CNTN5: variants seen among roughly 807,000 people sequenced by gnomAD.
The protein encoded by CNTN5 is contactin 5.
In CNTN5, 77 loss-of-function variants were observed where a neutral mutation model predicts 129.1. The ratio of observed to expected loss-of-function variants is 0.60; its 90% CI spans 0.50 to 0.72. The LOEUF is 0.72. Among genes scored for constraint, CNTN5 ranks in the 30% least tolerant of loss-of-function variants. The pLI is 0.00. For synonymous variants in CNTN5, 509 were observed against 465.6 expected, an observed-to-expected ratio of 1.09 and a Z score of -1.20; for missense variants, 1,478 against 1,328.8, an observed-to-expected ratio of 1.11 and a Z score of -1.75.
chr11:99,040,467 G>C (rs1281912364), intron 1 of CNTN5, among the ~76,000 whole-genome samples: 1 of 152,050 alleles, frequency 6.6e-6, no homozygotes, highest in African/African-American at 2.4e-5. Context: ...GAGAATATTT[G>C]TTGCACATTA....
intron 3 of CNTN5, among the ~76,000 whole-genome samples, chr11:99,708,000 T>C (rs978353870): frequency 1.4e-4 from 21 of 151,608 alleles, no homozygotes; most frequent in African/African-American, 5.1e-4. Context: ...GGTCTGCAGA[T>C]ATTATTAATA....
At chr11:100,150,722 A>G (rs1022704022) in intron 13 of CNTN5, among the ~76,000 whole-genome samples, 3 of 152,028 alleles carry the variant, frequency 2.0e-5, no homozygotes, top group African/African-American at 7.2e-5. Flanking sequence ...TTTCTAGCTG[A>G]ACTCGGCTAA....
At chr11:99,241,308 T>C (rs2135758042) in intron 1 of CNTN5, among the ~76,000 whole-genome samples, 1 of 144,450 alleles carries the variant, frequency 6.9e-6, no homozygotes. Context: ...ACTCCTTCAT[T>C]TGATTGTTGG....
At chr11:99,678,037 T>C (rs1239348505) in intron 3 of CNTN5, among the ~76,000 whole-genome samples, 1 of 152,136 alleles carries the variant, frequency 6.6e-6, no homozygotes, top group Non-Finnish European at 1.5e-5. Flanking sequence ...GCCCTTTGTC[T>C]TTATGATTTT....
At chr11:100,329,356 C>CA (rs1485267997) in intron 21 of CNTN5, among the ~76,000 whole-genome samples, 1 of 152,156 alleles carries the variant, frequency 6.6e-6, no homozygotes, top group East Asian at 1.9e-4. Context: ...CCCTGGTAGC[C>CA]AAAGACAAAG....
chr11:100,063,878 T>TA (rs1943589174), intron 10 of CNTN5, among the ~76,000 whole-genome samples: 1 of 151,956 alleles, frequency 6.6e-6, no homozygotes, highest in Admixed American at 6.6e-5. Context: ...GACCCTGTCT[T>TA]AAAAAATATT....
chr11:99,265,071 C>T (rs934196469), intron 1 of CNTN5, among the ~76,000 whole-genome samples: 2 of 151,668 alleles, frequency 1.3e-5, no homozygotes, highest in Non-Finnish European at 2.9e-5. Flanking sequence ...ACAATTAAAA[C>T]TTAGGTGTGC....
intron 1 of CNTN5, among the ~76,000 whole-genome samples, chr11:99,247,928 G>A (rs1354413044): frequency 6.6e-6 from 1 of 152,170 alleles, no homozygotes; most frequent in Non-Finnish European, 1.5e-5. Flanking sequence ...ACATATGTGT[G>A]CAAGTGTCTT....
chr11:100,349,343 C>A (rs2139034987), intron 23 of CNTN5, among the ~76,000 whole-genome samples: 1 of 151,982 alleles, frequency 6.6e-6, no homozygotes, highest in Middle Eastern at 3.4e-3. Flanking sequence ...CAAGTCAGTT[C>A]ATATTTTATG....
chr11:100,245,410 A>AT (rs1283456345), intron 16 of CNTN5, among the ~76,000 whole-genome samples: 1 of 152,104 alleles, frequency 6.6e-6, no homozygotes, highest in East Asian at 1.9e-4. Flanking sequence ...CCGTGATCTG[A>AT]TTGGCTTAGG....
chr11:100,173,669 T>A (rs969550958), intron 13 of CNTN5, among the ~76,000 whole-genome samples: 3 of 151,646 alleles, frequency 2.0e-5, no homozygotes, highest in Non-Finnish European at 2.9e-5. Context: ...GCCAGAGGAG[T>A]CGTCTAAGTC....
chr11:99,802,142 G>T (rs1477370094), intron 3 of CNTN5, among the ~76,000 whole-genome samples: 1 of 152,148 alleles, frequency 6.6e-6, no homozygotes, highest in South Asian at 2.1e-4. Flanking sequence ...TTTTTTGTCT[G>T]TTCTTCTATA....
At chr11:99,451,280 G>A (rs927616560) in intron 2 of CNTN5, among the ~76,000 whole-genome samples, 4 of 152,122 alleles carry the variant, frequency 2.6e-5, no homozygotes, top group Non-Finnish European at 5.9e-5. Flanking sequence ...CATTGAGCCT[G>A]AGCAGAGTAT....
intron 1 of CNTN5, among the ~76,000 whole-genome samples, chr11:99,093,113 C>A (rs1458043491): frequency 2.0e-5 from 3 of 151,706 alleles, no homozygotes; most frequent in African/African-American, 7.3e-5. Flanking sequence ...TAGGAGGGAC[C>A]CTAGAAATTT....
intron 13 of CNTN5, among the ~76,000 whole-genome samples, chr11:100,092,382 G>A (rs2138005635): frequency 6.6e-6 from 1 of 152,210 alleles, no homozygotes; most frequent in Non-Finnish European, 1.5e-5. Flanking sequence ...ATTCAGAAAA[G>A]CAGTCTTGGA....
At chr11:99,231,355 A>G (rs1860986943) in intron 1 of CNTN5, among the ~76,000 whole-genome samples, 1 of 152,112 alleles carries the variant, frequency 6.6e-6, no homozygotes. Flanking sequence ...CTGGCCTGAT[A>G]TGGTATCTCA....
intron 3 of CNTN5, among the ~76,000 whole-genome samples, chr11:99,675,257 GC>G (rs1953225405): frequency 1.3e-5 from 2 of 151,940 alleles, no homozygotes; most frequent in Admixed American, 1.3e-4. Context: ...TTGAAATCTC[GC>G]CCATCAGTAC....
chr11:99,999,222 C>T (rs1430722448), intron 8 of CNTN5, among the ~76,000 whole-genome samples: 1 of 152,046 alleles, frequency 6.6e-6, no homozygotes, highest in Non-Finnish European at 1.5e-5. Flanking sequence ...AACAGGCAAC[C>T]AATAAAATGG....
At chr11:100,248,824 C>T (rs1278114666) in intron 16 of CNTN5, among the ~76,000 whole-genome samples, 3 of 152,148 alleles carry the variant, frequency 2.0e-5, no homozygotes, top group South Asian at 2.1e-4. Flanking sequence ...GACTCTACAG[C>T]CTGGCACCAC....
Sources: gnomAD v4.1 joint callset for allele counts (sites outside exome capture counted in the v4.1 genomes callset) on GRCh38, gnomAD v4.1.1 for gene constraint, MANE v1.5 for transcripts, NCBI Gene and HGNC (gene_info 2026-07-23, HGNC 2026-07-21) for gene names.